The following RNF180 variants were observed in gnomAD, a reference collection of about 807,000 sequenced individuals.
RNF180 encodes ring finger protein 180.
Under a neutral mutation model 59.2 loss-of-function variants are expected in RNF180, and 38 were observed. That is an observed-to-expected ratio of 0.64 (90% CI 0.50 to 0.84). RNF180 has a LOEUF of 0.84. Ranked by LOEUF, RNF180 falls within the 40% of genes least tolerant of loss-of-function variation. The pLI, the probability that RNF180 is intolerant of heterozygous loss-of-function variation, is 0.00. For synonymous variants in RNF180, 262 were observed against 240.3 expected, an observed-to-expected ratio of 1.09 and a Z score of -0.84; for missense variants, 705 against 700.9, an observed-to-expected ratio of 1.01 and a Z score of -0.07.
intron 5 of RNF180, among the ~76,000 whole-genome samples, chr5:64,306,598 G>A (rs1389157851): frequency 6.6e-6 from 1 of 151,676 alleles, no homozygotes; most frequent in Non-Finnish European, 1.5e-5. Context: ...TGATAGACTG[G>A]AGTAAGAAAA....
intron 7 of RNF180, among the ~76,000 whole-genome samples, chr5:64,364,525 G>A (rs986043653): frequency 6.6e-6 from 1 of 151,516 alleles, no homozygotes; most frequent in African/African-American, 2.4e-5. Context: ...ACATTGGCCT[G>A]AAGTTTTATT....
At chr5:64,307,587 A>G (rs1580220419) in intron 5 of RNF180, among the ~76,000 whole-genome samples, 1 of 151,682 alleles carries the variant, frequency 6.6e-6, no homozygotes, top group South Asian at 2.1e-4. Context: ...GTGGGGTTAC[A>G]TCCTGATAAA....
chr5:64,363,989 A>G (rs1335531571), intron 7 of RNF180, among the ~76,000 whole-genome samples: 2 of 151,728 alleles, frequency 1.3e-5, no homozygotes, highest in Admixed American at 1.3e-4. Flanking sequence ...TTTTAGACTG[A>G]GACTATGGGG....
intron 5 of RNF180, among the ~76,000 whole-genome samples, chr5:64,275,108 A>G (rs1183377452): frequency 6.6e-6 from 1 of 151,664 alleles, no homozygotes; most frequent in Non-Finnish European, 1.5e-5. Context: ...CAACAATGAC[A>G]TTTATAAAAA....
chr5:64,207,549 T>G (rs2112088525), intron 2 of RNF180, among the ~76,000 whole-genome samples: 1 of 152,276 alleles, frequency 6.6e-6, no homozygotes, highest in Non-Finnish European at 1.5e-5. Context: ...ACTTTGATCT[T>G]TATCGTAGGA....
chr5:64,248,748 A>G (rs1743354432), intron 5 of RNF180, among the ~76,000 whole-genome samples: 1 of 152,228 alleles, frequency 6.6e-6, no homozygotes, highest in South Asian at 2.1e-4. Context: ...CAGCAGTCTC[A>G]TTGCTGTGTA....
chr5:64,221,559 C>A (rs1226801472), intron 5 of RNF180, among the ~76,000 whole-genome samples: 1 of 152,116 alleles, frequency 6.6e-6, no homozygotes, highest in Admixed American at 6.5e-5. Flanking sequence ...TCTAGGAAGT[C>A]ATCATCTACT....
rs1283888876 is a variant in RNF180, at chr5:64,192,909, A to G, written c.1-7899A>G. 3.0e-3 allele frequency among the ~76,000 whole-genome samples: 156 copies of G among 52,300 alleles called. 2 individuals carry two copies. Among genetic ancestry groups the G allele is most frequent in the African/African-American group, 7.6e-3 (68 of 8,954 alleles). The allele number at this position is 52,300 out of a possible 152,430, so 34.3% of individuals were successfully genotyped here. A position where few individuals can be genotyped will look rare whatever the true frequency, so the allele number is the denominator to read the frequency against. On this transcript the variant is annotated intron_variant, in intron 1 of 7. Coordinates refer to ENST00000389100, the MANE Select transcript of RNF180 (RefSeq NM_001113561.2). ...CATGCAGAAAGTGTGGCATGTATATATATATATATATATATATATATATAT... is the reference window on the plus strand; with the variant it reads ...CATGCAGAAAGTGTGGCATGTATATGTATATATATATATATATATATATAT...
At chr5:64,197,191 T>C (rs953194495) in intron 1 of RNF180, among the ~76,000 whole-genome samples, 2 of 152,192 alleles carry the variant, frequency 1.3e-5, no homozygotes, top group Non-Finnish European at 2.9e-5. Context: ...TTATAAAAAA[T>C]TTCAACCTAA....
intron 5 of RNF180, among the ~76,000 whole-genome samples, chr5:64,234,923 C>A (rs550021724): frequency 1.3e-5 from 2 of 151,950 alleles, no homozygotes; most frequent in Non-Finnish European, 2.9e-5. Flanking sequence ...TACCTTAATT[C>A]TACATAATGT....
At chr5:64,357,713 T>G (rs948559315) in intron 7 of RNF180, among the ~76,000 whole-genome samples, 12 of 151,814 alleles carry the variant, frequency 7.9e-5, no homozygotes, top group Admixed American at 7.9e-4. Context: ...TGTTCAGAGA[T>G]AGTTTTTCTA....
intron 5 of RNF180, among the ~76,000 whole-genome samples, chr5:64,298,896 C>G (rs539172684): frequency 6.6e-6 from 1 of 151,972 alleles, no homozygotes; most frequent in Non-Finnish European, 1.5e-5. Context: ...TAGCTAAACT[C>G]CCTATTGATT....
intron 1 of RNF180, among the ~76,000 whole-genome samples, chr5:64,196,490 C>T (rs534588285): frequency 1.9e-4 from 29 of 152,062 alleles, no homozygotes; most frequent in African/African-American, 6.3e-4. Flanking sequence ...ATATTTTTTG[C>T]AGCTTTTAAG....
intron 1 of RNF180, among the ~76,000 whole-genome samples, chr5:64,172,070 G>GC (rs2111877639): frequency 6.6e-6 from 1 of 152,300 alleles, no homozygotes; most frequent in East Asian, 1.9e-4. Flanking sequence ...TCAGTATCCA[G>GC]CAAGGAGCTT....
intron 4 of RNF180, among the ~76,000 whole-genome samples, chr5:64,216,565 C>T (rs947295829): frequency 2.0e-5 from 3 of 152,146 alleles, no homozygotes; most frequent in Non-Finnish European, 2.9e-5. Context: ...CCAACTTTCA[C>T]TTGAAGTTTT....
chr5:64,282,872 G>C (rs1250067758), intron 5 of RNF180, among the ~76,000 whole-genome samples: 1 of 152,154 alleles, frequency 6.6e-6, no homozygotes, highest in African/African-American at 2.4e-5. Flanking sequence ...CAAGAGTGTG[G>C]TTGTTATGAT....
At chr5:64,341,780 T>C (rs191465141) in intron 7 of RNF180, among the ~76,000 whole-genome samples, 69 of 152,248 alleles carry the variant, frequency 4.5e-4, no homozygotes, top group African/African-American at 1.2e-3. Flanking sequence ...GATGAATCCA[T>C]GTCAGTGCAA....
intron 1 of RNF180, among the ~76,000 whole-genome samples, chr5:64,195,158 A>G (rs1379681614): frequency 1.3e-5 from 2 of 152,196 alleles, no homozygotes. Context: ...AAAACTGTAT[A>G]GGAAAATGTT....
chr5:64,302,542 A>G (rs1561248821), intron 5 of RNF180, among the ~76,000 whole-genome samples: 2 of 151,586 alleles, frequency 1.3e-5, no homozygotes, highest in African/African-American at 4.8e-5. Flanking sequence ...CCAAAGGGTC[A>G]TTATAAATCT....
Sources: gnomAD v4.1 joint callset for allele counts (sites outside exome capture counted in the v4.1 genomes callset) on GRCh38, gnomAD v4.1.1 for gene constraint, MANE v1.5 for transcripts, NCBI Gene and HGNC (gene_info 2026-07-23, HGNC 2026-07-21) for gene names.